RBMS3: variants seen among roughly 807,000 people sequenced by gnomAD.
The protein encoded by RBMS3 is RNA-binding motif, single-stranded-interacting protein 3.
A neutral mutation model predicts 66.8 loss-of-function variants in RBMS3; 27 were observed. That is an observed-to-expected ratio of 0.40 (90% CI 0.30 to 0.56). The LOEUF (loss-of-function observed/expected upper bound fraction) is 0.56. RBMS3 is among the 20% of genes least tolerant of loss of function. The probability of loss-of-function intolerance (pLI) is 0.40; values close to 1 mark genes in which losing one functional copy is unlikely to be tolerated. For synonymous variants in RBMS3, 188 were observed against 183.0 expected (o/e 1.03, Z -0.22); for missense variants, 513 against 549.5 (o/e 0.93, Z 0.66).
intron 3 of RBMS3, among the ~76,000 whole-genome samples, chr3:29,566,468 A>G (rs1036928049): frequency 2.6e-5 from 4 of 152,122 alleles, no homozygotes; most frequent in African/African-American, 9.7e-5. Flanking sequence ...CCTGTCCTGC[A>G]CTGTTCTACA....
At chr3:29,950,402 G>T (rs1238824862) in intron 12 of RBMS3, among the ~76,000 whole-genome samples, 1 of 151,804 alleles carries the variant, frequency 6.6e-6, no homozygotes, top group East Asian at 1.9e-4. Context: ...GCACTTTCAA[G>T]ACAACAATGG....
At chr3:29,516,007 T>A (rs894789090) in intron 3 of RBMS3, among the ~76,000 whole-genome samples, 5 of 152,092 alleles carry the variant, frequency 3.3e-5, no homozygotes, top group African/African-American at 1.2e-4. Context: ...ATTGTTTATG[T>A]GAGAGTTGAA....
At chr3:29,701,750 C>A (rs770580997) in intron 4 of RBMS3, among the ~76,000 whole-genome samples, 5 of 152,164 alleles carry the variant, frequency 3.3e-5, no homozygotes, top group African/African-American at 7.2e-5. Flanking sequence ...GGTCCTCTAG[C>A]AGTGCCGGCC....
chr3:29,335,771 G>C (rs889251781), intron 1 of RBMS3, among the ~76,000 whole-genome samples: 7 of 152,156 alleles, frequency 4.6e-5, no homozygotes, highest in African/African-American at 1.7e-4. Context: ...TGAATAGAAA[G>C]AGACTAAAAG....
chr3:29,938,218 T>C (rs2061313445), intron 11 of RBMS3, among the ~76,000 whole-genome samples: 2 of 151,988 alleles, frequency 1.3e-5, no homozygotes, highest in Admixed American at 6.6e-5. Flanking sequence ...ACATATATTA[T>C]GATTTTGTAT....
intron 2 of RBMS3, among the ~76,000 whole-genome samples, chr3:29,447,045 T>C (rs1407395981): frequency 6.6e-6 from 1 of 151,208 alleles, no homozygotes; most frequent in Non-Finnish European, 1.5e-5. Context: ...CCTGAGTAGC[T>C]GGGATTGCAG....
intron 2 of RBMS3, among the ~76,000 whole-genome samples, chr3:29,443,438 A>C (rs1282962185): frequency 6.6e-6 from 1 of 152,060 alleles, no homozygotes; most frequent in Non-Finnish European, 1.5e-5. Context: ...AAACATTAGA[A>C]TATGTAAATG....
chr3:29,310,831 G>T (rs1028684472), intron 1 of RBMS3, among the ~76,000 whole-genome samples: 1 of 151,680 alleles, frequency 6.6e-6, no homozygotes, highest in African/African-American at 2.4e-5. Context: ...CCTGTTTATG[G>T]CTCTGACGTT....
chr3:29,445,930 G>A (rs894650937), intron 2 of RBMS3, among the ~76,000 whole-genome samples: 1 of 152,052 alleles, frequency 6.6e-6, no homozygotes, highest in Non-Finnish European at 1.5e-5. Context: ...CAACATTATT[G>A]AGGAGTAAAA....
At chr3:29,905,012 G>A (rs2060342038) in intron 10 of RBMS3, among the ~76,000 whole-genome samples, 1 of 151,720 alleles carries the variant, frequency 6.6e-6, no homozygotes, top group Admixed American at 6.6e-5. Context: ...GCAGATTTTT[G>A]GTATTTATGT....
chr3:29,558,033 G>C (rs2046419860), intron 3 of RBMS3, among the ~76,000 whole-genome samples: 2 of 152,080 alleles, frequency 1.3e-5, no homozygotes, highest in African/African-American at 4.8e-5. Flanking sequence ...AAAGAAGACA[G>C]GATATGAGGC....
chr3:29,551,919 G>A (rs1209662035), intron 3 of RBMS3, among the ~76,000 whole-genome samples: 4 of 152,016 alleles, frequency 2.6e-5, no homozygotes, highest in East Asian at 1.9e-4. Context: ...TGCTGCACAC[G>A]CAGTACCTGC....
At chr3:29,675,662 C>A (rs969298685) in intron 4 of RBMS3, among the ~76,000 whole-genome samples, 6 of 152,286 alleles carry the variant, frequency 3.9e-5, no homozygotes, top group African/African-American at 1.4e-4. Flanking sequence ...ATGCAGCCAA[C>A]AGACACATGA....
intron 4 of RBMS3, among the ~76,000 whole-genome samples, chr3:29,663,921 T>C (rs146779118): frequency 0.016 from 2,447 of 152,330 alleles, 33 homozygotes; most frequent in Middle Eastern, 0.027. Context: ...GATAAAGGAA[T>C]GAATTAATTG....
At position 29,975,128 on chromosome 3, in the gene RBMS3, A is replaced by C. The variant is rs145859949; in HGVS notation, c.1099-13015A>C. Among the ~76,000 whole-genome samples, 578 of 137,266 alleles carry C rather than the reference A, an allele frequency of 4.2e-3. 7 individuals are homozygous for C. Among genetic ancestry groups the C allele is most frequent in the African/African-American group, 0.013 (422 of 33,578 alleles). 90.1% of individuals were successfully genotyped at this position (137,266 alleles called of 152,430 possible). On this transcript the variant is annotated intron_variant, in intron 12 of 14. Coordinates refer to ENST00000383767, the MANE Select transcript of RBMS3 (RefSeq NM_001003793.3). The stretch of plus-strand genomic sequence containing the variant: ...TATATTTTATATATAAAATACGTTT[A>C]TATATTTATATATTTTATATATGCT...
chr3:29,781,334 G>C (rs2056625774), intron 6 of RBMS3, among the ~76,000 whole-genome samples: 1 of 151,696 alleles, frequency 6.6e-6, no homozygotes, highest in African/African-American at 2.4e-5. Flanking sequence ...CCTTCACTTA[G>C]CATAAGGTAT....
At chr3:29,594,081 A>G (rs924785423) in intron 4 of RBMS3, among the ~76,000 whole-genome samples, 1 of 152,214 alleles carries the variant, frequency 6.6e-6, no homozygotes, top group African/African-American at 2.4e-5. Flanking sequence ...AGCAATAGTT[A>G]TGAAAAATTT....
rs75219795 is a variant in RBMS3, at chr3:29,915,995, T to A, written c.939+16240T>A. ...ACTGCAATCACCCTTGCTTATGAAG[T>A]TATGTAGACAGTCCCATGTAAATCA... On this transcript the variant is annotated intron_variant, in intron 10 of 14. Transcript: ENST00000383767. 6.2e-3 allele frequency among the ~76,000 whole-genome samples: 943 copies of A among 152,136 alleles called. 5 individuals are homozygous for A. The highest frequency in any genetic ancestry group is 0.022 in the African/African-American group (899 of 41,552).
intron 6 of RBMS3, among the ~76,000 whole-genome samples, chr3:29,820,706 G>A (rs887612829): frequency 6.6e-6 from 1 of 152,158 alleles, no homozygotes; most frequent in African/African-American, 2.4e-5. Flanking sequence ...TGGATAGACA[G>A]TTCAAAGTGT....
Sources: gnomAD v4.1 joint callset for allele counts (sites outside exome capture counted in the v4.1 genomes callset) on GRCh38, gnomAD v4.1.1 for gene constraint, MANE v1.5 for transcripts, NCBI Gene and HGNC (gene_info 2026-07-23, HGNC 2026-07-21) for gene names.